KPNA7: variants seen among roughly 807,000 people sequenced by gnomAD.
The protein encoded by KPNA7 is importin subunit alpha-8.
A neutral mutation model predicts 53.7 loss-of-function variants in KPNA7; 54 were observed. The ratio of observed to expected loss-of-function variants is 1.01; its 90% CI spans 0.81 to 1.26. The LOEUF (loss-of-function observed/expected upper bound fraction) is 1.26. KPNA7 is among the 50% of genes most tolerant of loss of function. The pLI, the probability that KPNA7 is intolerant of heterozygous loss-of-function variation, is 0.00. For missense variants in KPNA7, 640 were observed against 644.5 expected, an observed-to-expected ratio of 0.99 and a Z score of 0.07; for synonymous variants, 276 against 259.3, an observed-to-expected ratio of 1.06 and a Z score of -0.62.
At chr7:99,207,544 T>C (rs1241513255) in intron 1 of KPNA7, 55 bp from the exon 2 acceptor site, 4 of 935,466 alleles carry the variant, frequency 4.3e-6, no homozygotes, top group Non-Finnish European at 6.8e-6. Context: ...TGGGTTATTA[T>C]GTCAGTATCA....
At chr7:99,182,445 C>T (rs117027617) in intron 8 of KPNA7, among the ~76,000 whole-genome samples, 1,739 of 152,248 alleles carry the variant, frequency 0.011, 16 homozygotes, top group Admixed American at 0.018. Context: ...ATGCGCCTGT[C>T]TCGCTCAGCC....
At chr7:99,151,665 C>T in the KPNA7 span, among the ~76,000 whole-genome samples, 1 of 151,788 alleles carries the variant, frequency 6.6e-6, no homozygotes, top group Non-Finnish European at 1.5e-5. Context: ...CTATGTTGCC[C>T]AGGCTGGTCT....
At chr7:99,147,031 T>G in the KPNA7 span, among the ~76,000 whole-genome samples, 1 of 152,180 alleles carries the variant, frequency 6.6e-6, no homozygotes, top group Admixed American at 6.5e-5. Context: ...ATATACCCAA[T>G]AGTATCTTTC....
intron 9 of KPNA7, among the ~76,000 whole-genome samples, chr7:99,180,428 G>A (rs570513057): frequency 5.3e-5 from 8 of 152,170 alleles, no homozygotes; most frequent in African/African-American, 1.9e-4. Flanking sequence ...CTTGAGCCCA[G>A]GAGATCAAGG....
chr7:99,153,110 G>T, the KPNA7 span, among the ~76,000 whole-genome samples: 2 of 152,186 alleles, frequency 1.3e-5, no homozygotes, highest in African/African-American at 2.4e-5. Flanking sequence ...GAATCTGTTG[G>T]ACTAACACAT....
At position 99,181,882 on chromosome 7, in the gene KPNA7, C is replaced by G; in HGVS notation, c.1317+1G>C. 1 of 1,539,568 alleles carries G rather than the reference C, an allele frequency of 6.5e-7. No homozygotes were observed. Among genetic ancestry groups the G allele is most frequent in the South Asian group, 1.2e-5 (1 of 83,152 alleles). ...AAACCAACCTGTTCAGAACGGCTCA[C>G]CTGGAGGATGCAAGAGATGACATCA... On this transcript the variant is annotated splice_donor_variant, in intron 9 of 10. Coordinates refer to ENST00000327442, the MANE Select transcript of KPNA7 (RefSeq NM_001145715.3). LOFTEE classifies it high-confidence loss of function.
chr7:99,188,672 CT>C, intron 6 of KPNA7, 109 bp from the exon 7 acceptor site: 1 of 1,164,602 alleles, frequency 8.6e-7, no homozygotes, highest in Non-Finnish European at 1.2e-6. Flanking sequence ...TGAACCAGAG[CT>C]TTTTAAAATT....
the KPNA7 span, among the ~76,000 whole-genome samples, chr7:99,154,668 G>A: frequency 6.6e-6 from 1 of 151,706 alleles, no homozygotes; most frequent in Non-Finnish European, 1.5e-5. Context: ...GATTACAGAT[G>A]AGTGCCACCA....
the KPNA7 span, among the ~76,000 whole-genome samples, chr7:99,167,996 C>T: frequency 7.3e-6 from 1 of 137,836 alleles, no homozygotes; most frequent in East Asian, 2.2e-4. Context: ...CACCCCCACA[C>T]CCCTCTATCC....
At chr7:99,200,489 G>A (rs909888585) in intron 3 of KPNA7, among the ~76,000 whole-genome samples, 4 of 152,072 alleles carry the variant, frequency 2.6e-5, no homozygotes, top group Non-Finnish European at 5.9e-5. Flanking sequence ...ACAGGTTTGG[G>A]GACTAGAAGA....
chr7:99,180,511 C>G (rs1436192071), intron 9 of KPNA7, among the ~76,000 whole-genome samples: 1 of 148,482 alleles, frequency 6.7e-6, no homozygotes. Context: ...CTGTCTCTCT[C>G]TCTCTGTGTC....
chr7:99,158,217 C>T, the KPNA7 span, among the ~76,000 whole-genome samples: 1 of 152,052 alleles, frequency 6.6e-6, no homozygotes, highest in Non-Finnish European at 1.5e-5. Flanking sequence ...TAAATTTTCA[C>T]AATGATATGC....
At chr7:99,183,066 G>A (rs1023576107) in intron 8 of KPNA7, among the ~76,000 whole-genome samples, 1 of 152,028 alleles carries the variant, frequency 6.6e-6, no homozygotes, top group Non-Finnish European at 1.5e-5. Context: ...GACTAGCCTG[G>A]GCAACATGGT....
chr7:99,190,755 C>G (rs962812728), intron 6 of KPNA7, among the ~76,000 whole-genome samples: 2 of 151,508 alleles, frequency 1.3e-5, no homozygotes, highest in Admixed American at 1.3e-4. Context: ...TCAAGCGATC[C>G]TCTCGCCTTG....
At chr7:99,211,576 T>C (rs976170262), upstream of KPNA7, among the ~76,000 whole-genome samples, 2 of 150,850 alleles carry the variant, frequency 1.3e-5, no homozygotes, top group Non-Finnish European at 3.0e-5. Context: ...GAGTTGGAGA[T>C]AGAACAACAG....
chr7:99,188,518 G>C lies in KPNA7; in HGVS notation c.682C>G (p.Arg228Gly). ...TCGCAAGGGTATGGGTTCTTGTTTC[G>C]GCACAGATTCGACAAGGTCCACGTG... ...NITWTLSNLC[R>G]NKNPYPCDTA... The change falls in exon 7 of 11, where the codon CGA (arginine) becomes GGA (glycine). Residue 228 changes from arginine (R) to glycine (G), a missense_variant. Arg to Gly is a moderately radical substitution (Grantham distance 125). Transcript: ENST00000327442. 6.4e-7 allele frequency: 1 copy of C among 1,551,636 alleles called. No individual in the cohort carries two copies. The highest frequency in any genetic ancestry group is 8.7e-7 in the Non-Finnish European group (1 of 1,146,988).
At chr7:99,162,630 G>A in the KPNA7 span, among the ~76,000 whole-genome samples, 3,279 of 152,150 alleles carry the variant, frequency 0.022, 46 homozygotes, top group Non-Finnish European at 0.032. Flanking sequence ...AACTACAAAG[G>A]CTGCTTTGTC....
intron 3 of KPNA7, among the ~76,000 whole-genome samples, chr7:99,202,828 A>C (rs1790615141): frequency 1.3e-5 from 2 of 152,134 alleles, no homozygotes; most frequent in Admixed American, 1.3e-4. Flanking sequence ...CCTGGGTGAC[A>C]GAGTGAGACC....
chr7:99,164,479 G>A, the KPNA7 span, among the ~76,000 whole-genome samples: 1 of 152,096 alleles, frequency 6.6e-6, no homozygotes, highest in Non-Finnish European at 1.5e-5. Flanking sequence ...CACACTCCGG[G>A]GACTGTTGTG....
Sources: gnomAD v4.1 joint callset for allele counts (sites outside exome capture counted in the v4.1 genomes callset) on GRCh38, gnomAD v4.1.1 for gene constraint, MANE v1.5 for transcripts, NCBI Gene and HGNC (gene_info 2026-07-23, HGNC 2026-07-21) for gene names.